The following GABRQ variants were observed in gnomAD, a reference collection of about 807,000 sequenced individuals.
GABRQ encodes the protein gamma-aminobutyric acid type A receptor subunit theta, also known as gamma-aminobutyric acid receptor subunit theta.
GABRQ carries 19 observed loss-of-function variants against 30.5 expected under a neutral mutation model. The observed-to-expected ratio is 0.62, with a 90% CI of 0.43 to 0.91. The LOEUF (loss-of-function observed/expected upper bound fraction) is 0.91, where lower values mean the gene tolerates loss of function less well. GABRQ is among the 40% of genes least tolerant of loss of function. The probability of loss-of-function intolerance (pLI) is 0.00; values close to 1 mark genes in which losing one functional copy is unlikely to be tolerated. For missense variants in GABRQ, 520 were observed against 521.4 expected (o/e 1.00, Z 0.03); for synonymous variants, 187 against 210.2 (o/e 0.89, Z 0.95).
At position 152,652,722 on chromosome X, in the gene GABRQ, G is replaced by A. The variant is rs782513983; in HGVS notation, c.1340G>A (p.Gly447Glu). The A allele has an allele frequency of 8.3e-7, 1 of 1,211,020 alleles. No homozygotes were observed. The highest frequency in any genetic ancestry group is 2.2e-5 in the Admixed American group (1 of 46,131). The change falls in exon 9 of 9, where the codon GGA (glycine) becomes GAA (glutamate). Residue 447 changes from glycine (G) to glutamate (E), a missense_variant. Coordinates refer to ENST00000598523, the MANE Select transcript of GABRQ (RefSeq NM_018558.4). ...SLSGQAPLAT[G>E]ESLSDLPSTS... ...TCAGGCCAGGCCCCCCTGGCCACTG[G>A]AGAAAGCCTGAGCGATCTCCCCTCC...
Position 152,652,768 on chromosome X carries a change from C to G in GABRQ, c.1386C>G (p.His462Gln), listed in dbSNP as rs1931059036. The G allele has an allele frequency of 8.3e-7, 1 of 1,210,426 alleles. No individual in the cohort carries two copies. Among genetic ancestry groups the G allele is most frequent in the Non-Finnish European group, 1.1e-6 (1 of 895,066 alleles). Residue 462 changes from histidine (H) to glutamine (Q), a missense_variant, in exon 9 of 9, where the codon CAC (histidine) becomes CAG (glutamine). Transcript: ENST00000598523. ...DLPSTSEQARHSYGVRFNGFQ... is the reference protein window; with the variant it reads ...DLPSTSEQARQSYGVRFNGFQ... ...CCTCCACCTCAGAGCAGGCCCGGCA[C>G]AGCTATGGTGTTCGCTTTAATGGTT...
chrX:152,644,692 G>A (rs989846944), intron 2 of GABRQ, among the ~76,000 whole-genome samples: 1 of 111,062 alleles, frequency 9.0e-6, no homozygotes, highest in Non-Finnish European at 1.9e-5. Context: ...TGTAATACAC[G>A]CACACACTCA....
In GABRQ at chrX:152,653,071, T is replaced by C. The variant is rs782514808; in HGVS notation, c.1689T>C (p.Asp563=). 26 of 1,206,925 alleles carry C rather than the reference T, an allele frequency of 2.2e-5. No individual in the cohort carries two copies. Among genetic ancestry groups the C allele is most frequent in the Non-Finnish European group, 2.8e-5 (25 of 892,124 alleles). ...ACAGTACCTGGGGCCTTAATGATGA[T>C]GAGCTCATGGCCCATGGCCAAGAGA... ...DTNSTWGLND[D]ELMAHGQEKD... The change falls in exon 9 of 9, where the codon GAT becomes GAC. Residue 563 remains aspartate (D), a synonymous_variant. Coordinates refer to ENST00000598523, the MANE Select transcript of GABRQ (RefSeq NM_018558.4).
intron 8 of GABRQ, 86 bp downstream of exon 8, chrX:152,651,868 CT>C: frequency 1.1e-6 from 1 of 947,463 alleles, no homozygotes; most frequent in Non-Finnish European, 1.5e-6. Flanking sequence ...CATTTCTTAG[CT>C]TTTTAAATAC....
rs781848007 is a variant in GABRQ, at chrX:152,651,624, G to A, written c.1000G>A (p.Val334Met). 1.4e-5 allele frequency: 17 copies of A among 1,208,498 alleles called. No individual in the cohort carries two copies. The highest frequency in any genetic ancestry group is 6.5e-5 in the Admixed American group (3 of 45,924). ...CAAGGCCATTGATATCTATATCCTC[G>A]TGTGCTTGTTCTTTGTGTTCCTGTC... Reference protein sequence around the residue: ...CIKAIDIYILVCLFFVFLSLL... With the variant: ...CIKAIDIYILMCLFFVFLSLL... Residue 334 changes from valine (V) to methionine (M), a missense_variant, in exon 8 of 9, where the codon GTG (valine) becomes ATG (methionine). Physicochemically the swap from Val to Met is conservative, Grantham distance 21. Coordinates refer to ENST00000598523, the MANE Select transcript of GABRQ (RefSeq NM_018558.4).
At chrX:152,651,809 T>A (rs1243628158) in intron 8 of GABRQ, 27 bp downstream of exon 8, 1 of 1,198,237 alleles carries the variant, frequency 8.3e-7, no homozygotes, top group Non-Finnish European at 1.1e-6. Flanking sequence ...GACAATCAGC[T>A]TTCCCTGAGC....
intron 1 of GABRQ, among the ~76,000 whole-genome samples, chrX:152,639,384 A>ACG (rs1393701880): frequency 3.6e-5 from 4 of 110,438 alleles, no homozygotes; most frequent in African/African-American, 1.3e-4. Context: ...GTGCGCACAC[A>ACG]CACACACACA....
intron 8 of GABRQ, among the ~76,000 whole-genome samples, chrX:152,652,100 G>A (rs1462597181): frequency 2.7e-5 from 3 of 112,745 alleles, no homozygotes; most frequent in African/African-American, 9.7e-5. Context: ...GGCGCAGGGA[G>A]ACTGAAAGGA....
At position 152,654,702 on chromosome X, in the gene GABRQ, A is replaced by G. The variant is rs782088597; in HGVS notation, c.*1421A>G. The G allele has an allele frequency of 3.6e-5, 4 of 111,849 alleles. No homozygotes were observed. Among genetic ancestry groups the G allele is most frequent in the African/African-American group, 1.3e-4 (4 of 30,741 alleles). The allele number at this position is 111,849 out of a possible 1,213,427, so 9.2% of individuals were successfully genotyped here. Reference sequence around the variant, plus strand: ...GGAAGTAGGATTGGCCAGCATTCCAACTTGCCAAGCAGCTCCACCTCACTG... The same window carrying G: ...GGAAGTAGGATTGGCCAGCATTCCAGCTTGCCAAGCAGCTCCACCTCACTG... On this transcript the variant is annotated 3_prime_UTR_variant, in exon 9 of 9. Transcript: ENST00000598523.
chrX:152,643,684 C>G (rs1556818715), intron 2 of GABRQ, among the ~76,000 whole-genome samples: 1 of 112,321 alleles, frequency 8.9e-6, no homozygotes, highest in African/African-American at 3.2e-5. Context: ...CAGAAGTGCA[C>G]TAACACAAAC....
intron 3 of GABRQ, 101 bp downstream of exon 3, chrX:152,645,695 C>T: frequency 1.8e-6 from 1 of 541,223 alleles, no homozygotes. Context: ...TGACAGAACT[C>T]ACATAAAGGA....
At chrX:152,643,178 G>C (rs958092222) in intron 2 of GABRQ, among the ~76,000 whole-genome samples, 2 of 112,186 alleles carry the variant, frequency 1.8e-5, no homozygotes, top group African/African-American at 3.2e-5. Context: ...CATGTGGGGA[G>C]CCCGAAAGGC....
rs111701930 is a variant in GABRQ, at chrX:152,649,628, C to T, written c.611-114C>T. 8.4e-6 allele frequency: 5 copies of T among 592,012 alleles called. No homozygotes were observed. In the East Asian group the frequency reaches 9.8e-5, roughly 12 times the overall value. The allele number at this position is 592,012 out of a possible 1,213,427, so 48.8% of individuals were successfully genotyped here. ...AAACGGTCCTCTGGGAAAATGTCAC[C>T]TTACTGTTGGGAAAGTGTGTGCAAG... On this transcript the variant is annotated intron_variant, in intron 5 of 8. Transcript: ENST00000598523.
At chrX:152,643,865 ACACT>A (rs1232413031) in intron 2 of GABRQ, among the ~76,000 whole-genome samples, 1 of 111,114 alleles carries the variant, frequency 9.0e-6, no homozygotes, top group Non-Finnish European at 1.9e-5. Context: ...TACACCAAAC[ACACT>A]CACAAGTCCA....
chrX:152,649,716 A>G, intron 5 of GABRQ, 26 bp from the exon 6 acceptor site: 2 of 1,155,577 alleles, frequency 1.7e-6, no homozygotes, highest in South Asian at 1.8e-5. Context: ...AGAATCTGAG[A>G]CTACCTCTGT....
At position 152,656,628 on chromosome X, in the gene GABRQ, G is replaced by A. The variant is rs1374367588; in HGVS notation, c.*3347G>A. 2 of 112,578 alleles carry A rather than the reference G, an allele frequency of 1.8e-5. No individual in the cohort carries two copies. The highest frequency in any genetic ancestry group is 3.7e-5 in the Non-Finnish European group (2 of 53,347). 9.3% of individuals were successfully genotyped at this position (112,578 alleles called of 1,213,427 possible). On this transcript the variant is annotated 3_prime_UTR_variant, in exon 9 of 9. Transcript: ENST00000598523. ...GTATTCTTACAATTCATGTCATCTT[G>A]TTAATAGCAGGACTTCAAAGTCTTT...
At chrX:152,649,974 G>A in intron 6 of GABRQ, 95 bp downstream of exon 6, 2 of 678,032 alleles carry the variant, frequency 2.9e-6, no homozygotes, top group Non-Finnish European at 4.6e-6. Flanking sequence ...ATTCTCTGGT[G>A]CCTCCTTTTC....
chrX:152,638,186 C>T lies in GABRQ; in HGVS notation c.-17C>T, dbSNP rs1036044641. ...GCCCCGTCTCCCGCGCCCTCAGGCG[C>T]CCAGAACGCCCCGGCCATGGGCATC... On this transcript the variant is annotated 5_prime_UTR_variant, in exon 1 of 9. Transcript: ENST00000598523. 8 of 1,206,161 alleles carry T rather than the reference C, an allele frequency of 6.6e-6. No individual in the cohort carries two copies. The African/African-American group carries it at 8.7e-5, about 13-fold the overall frequency.
chrX:152,640,322 C>T, intron 1 of GABRQ, 56 bp from the exon 2 acceptor site: 2 of 745,748 alleles, frequency 2.7e-6, no homozygotes, highest in Non-Finnish European at 2.1e-6. Flanking sequence ...GCAAGGCAAC[C>T]ACTGGCAAGC....
Sources: gnomAD v4.1 joint callset for allele counts (sites outside exome capture counted in the v4.1 genomes callset) on GRCh38, gnomAD v4.1.1 for gene constraint, MANE v1.5 for transcripts, NCBI Gene and HGNC (gene_info 2026-07-23, HGNC 2026-07-21) for gene names.